The following ERICH1 variants were observed in gnomAD, a reference collection of about 807,000 sequenced individuals.
The protein encoded by ERICH1 is glutamate-rich protein 1.
In ERICH1, 56 loss-of-function variants were observed where a neutral mutation model predicts 39.6. That is an observed-to-expected ratio of 1.41 (90% CI 1.14 to 1.77). The LOEUF (loss-of-function observed/expected upper bound fraction) is 1.77. Ranked by LOEUF, ERICH1 falls within the 40% of genes most tolerant of loss-of-function variation. The probability of loss-of-function intolerance (pLI) is 0.00; values close to 1 mark genes in which losing one functional copy is unlikely to be tolerated. For missense variants in ERICH1, 826 were observed against 575.4 expected (o/e 1.44, Z -4.45); for synonymous variants, 313 against 223.6 (o/e 1.40, Z -3.57).
intron 3 of ERICH1, among the ~76,000 whole-genome samples, chr8:631,245 C>T (rs1798020167): frequency 6.6e-6 from 1 of 152,242 alleles, no homozygotes; most frequent in African/African-American, 2.4e-5. Context: ...CTGGGTGCTG[C>T]CCACACACTG....
chr8:698,218 CTTTTCTT>C (rs1485683515), intron 2 of ERICH1, among the ~76,000 whole-genome samples: 1 of 94,502 alleles, frequency 1.1e-5, no homozygotes. Context: ...AATCATATTC[CTTTTCTT>C]TTTTTTTTTT....
rs1186549842 is a variant in ERICH1, at chr8:728,755, C to G, written c.22+2385G>C. On this transcript the variant is annotated intron_variant, in intron 1 of 5. Coordinates refer to ENST00000262109, the MANE Select transcript of ERICH1 (RefSeq NM_207332.3). ...CCAAGAAATATCCTCCGGTGCTATA[C>G]TTACACTAGCATAACATAGAGCACA... Among the ~76,000 whole-genome samples the G allele has an allele frequency of 2.0e-5, 3 of 152,200 alleles. No homozygotes were observed. In the South Asian group the frequency reaches 6.2e-4, roughly 32 times the overall value.
downstream of ERICH1, among the ~76,000 whole-genome samples, chr8:663,515 C>CACAGGCGGGACAGGCGGGACAGGCGGG (rs145134905): frequency 6.7e-6 from 1 of 149,686 alleles, no homozygotes; most frequent in Admixed American, 6.6e-5. Context: ...CACGGATGCT[C>CACAGGCGGGACAGGCGGGACAGGCGGG]ACAGGCGGGA....
chr8:724,869 C>G (rs2132446232), intron 1 of ERICH1, among the ~76,000 whole-genome samples: 1 of 152,322 alleles, frequency 6.6e-6, no homozygotes, highest in East Asian at 1.9e-4. Context: ...CGGGAAGCAG[C>G]TGTACCTCCT....
At chr8:623,535 T>C (rs1797415007) in intron 3 of ERICH1, among the ~76,000 whole-genome samples, 1 of 152,234 alleles carries the variant, frequency 6.6e-6, no homozygotes, top group Non-Finnish European at 1.5e-5. Flanking sequence ...AAAAATTGTA[T>C]ATATTTAGGT....
At chr8:642,490 A>C (rs545014597) in intron 3 of ERICH1, among the ~76,000 whole-genome samples, 1 of 151,872 alleles carries the variant, frequency 6.6e-6, no homozygotes, top group Non-Finnish European at 1.5e-5. Context: ...GACTACAGGC[A>C]CCAGCCACCA....
At chr8:695,468 C>G (rs1389577513) in intron 2 of ERICH1, among the ~76,000 whole-genome samples, 1 of 152,068 alleles carries the variant, frequency 6.6e-6, no homozygotes, top group Non-Finnish European at 1.5e-5. Flanking sequence ...TCTGAGAGAG[C>G]ACAGCAGCTC....
chr8:696,641 A>T (rs377123631), intron 2 of ERICH1, among the ~76,000 whole-genome samples: 4 of 5,834 alleles, frequency 6.9e-4, no homozygotes, highest in Admixed American at 4.7e-3. Flanking sequence ...CTCACCCTCC[A>T]CTCCTCTCCT....
chr8:652,315 G>C (rs1006408477), intron 3 of ERICH1, among the ~76,000 whole-genome samples: 1 of 152,232 alleles, frequency 6.6e-6, no homozygotes, highest in Non-Finnish European at 1.5e-5. Context: ...GGCCCCGTCA[G>C]AGTCACCACC....
At chr8:652,097 C>T (rs1437713966) in intron 3 of ERICH1, among the ~76,000 whole-genome samples, 13 of 152,212 alleles carry the variant, frequency 8.5e-5, no homozygotes, top group Admixed American at 7.2e-4. Context: ...TTACCACCGA[C>T]GGCTCTGCAC....
At position 668,730 on chromosome 8, in the gene ERICH1, G is replaced by T. The variant is rs555321417; in HGVS notation, c.1126C>A (p.Leu376Ile). ...ADAAEELLDR[L>I]ASHSMLPSDV... ...GAGGGCAGCATGCTGTGTGACGCAA[G>T]GCGGTCCAGCAGCTCCTCAGCGGCA... is the stretch of plus-strand genomic sequence containing the variant. The change falls in exon 5 of 6, where the codon CTT (leucine) becomes ATT (isoleucine). Residue 376 changes from leucine to isoleucine, a missense_variant. Physicochemically the swap from Leu to Ile is conservative, Grantham distance 5. Transcript: ENST00000262109. 1.6e-4 allele frequency: 257 copies of T among 1,613,802 alleles called. 5 individuals are homozygous for T. In the South Asian group the frequency reaches 2.6e-3, roughly 16 times the overall value.
exon 4 of ERICH1, chr8:614,915 G>T (rs777294672): frequency 1.9e-5 from 5 of 265,544 alleles, no homozygotes; most frequent in Non-Finnish European, 2.8e-5. Context: ...TGACACCAAG[G>T]AGCTGCTGTC....
Position 713,293 on chromosome 8 carries a change from G to A in ERICH1, c.169+2568C>T, listed in dbSNP as rs116243068. ...AATTTGCTGGTGGCGGCTGTGAGGC[G>A]GGGAGCGCAATTCAGCCTATAATAA... On this transcript the variant is annotated intron_variant, in intron 2 of 5. Transcript: ENST00000262109. Among the ~76,000 whole-genome samples the A allele has an allele frequency of 2.5e-3, 385 of 152,338 alleles. 6 individuals are homozygous for A. Among genetic ancestry groups the A allele is most frequent in the African/African-American group, 8.7e-3 (361 of 41,574 alleles).
intron 3 of ERICH1, among the ~76,000 whole-genome samples, chr8:641,508 T>G (rs1798970762): frequency 6.6e-6 from 1 of 152,274 alleles, no homozygotes; most frequent in African/African-American, 2.4e-5. Context: ...TGGTAAAGGT[T>G]AATAGCCTGT....
At chr8:657,253 G>C (rs145222820) in intron 3 of ERICH1, among the ~76,000 whole-genome samples, 62 of 152,312 alleles carry the variant, frequency 4.1e-4, no homozygotes, top group Non-Finnish European at 7.6e-4. Context: ...CCCGATTTCG[G>C]TCAGGAGCCT....
chr8:626,287 A>C (rs1584946230), intron 3 of ERICH1: 1 of 152,178 alleles, frequency 6.6e-6, no homozygotes, highest in Non-Finnish European at 1.5e-5. Flanking sequence ...TTCTCTGACA[A>C]TTCTACTCAG....
chr8:662,983 C>T (rs536528618), downstream of ERICH1, among the ~76,000 whole-genome samples: 4 of 152,340 alleles, frequency 2.6e-5, no homozygotes, highest in Admixed American at 1.3e-4. Flanking sequence ...CTGGGAACAC[C>T]CTGTCTGGAG....
intron 2 of ERICH1, among the ~76,000 whole-genome samples, chr8:702,384 C>T (rs1255038951): frequency 6.6e-6 from 1 of 152,134 alleles, no homozygotes; most frequent in Non-Finnish European, 1.5e-5. Context: ...TTTAAAGACA[C>T]GCTGGGAATC....
intron 3 of ERICH1, among the ~76,000 whole-genome samples, chr8:657,874 G>A (rs925143360): frequency 6.6e-5 from 10 of 152,246 alleles, no homozygotes; most frequent in African/African-American, 1.7e-4. Flanking sequence ...CCATGAACAC[G>A]AGCACTGCCT....
Sources: gnomAD v4.1 joint callset for allele counts (sites outside exome capture counted in the v4.1 genomes callset) on GRCh38, gnomAD v4.1.1 for gene constraint, MANE v1.5 for transcripts, NCBI Gene and HGNC (gene_info 2026-07-23, HGNC 2026-07-21) for gene names.